The following KCNIP4 variants were observed in gnomAD, a reference collection of about 807,000 sequenced individuals.
KCNIP4 encodes potassium voltage-gated channel interacting protein 4.
A neutral mutation model predicts 34.0 loss-of-function variants in KCNIP4; 12 were observed. The observed-to-expected ratio is 0.35, with a 90% CI of 0.23 to 0.57. The LOEUF (loss-of-function observed/expected upper bound fraction) is 0.57, where lower values mean the gene tolerates loss of function less well. Ranked by LOEUF, KCNIP4 falls within the 20% of genes least tolerant of loss-of-function variation. The probability of loss-of-function intolerance (pLI) is 0.83; values close to 1 mark genes in which losing one functional copy is unlikely to be tolerated. For synonymous variants in KCNIP4, 124 were observed against 102.2 expected (o/e 1.21, Z -1.29); for missense variants, 238 against 311.7 (o/e 0.76, Z 1.78).
chr4:21,934,576 T>C (rs777144573), intron 1 of KCNIP4, among the ~76,000 whole-genome samples: 4 of 152,088 alleles, frequency 2.6e-5, no homozygotes, highest in Admixed American at 6.6e-5. Flanking sequence ...CCAGTTCATT[T>C]GCTCTTTAAC....
intron 1 of KCNIP4, among the ~76,000 whole-genome samples, chr4:21,756,825 A>G (rs1717562320): frequency 2.6e-5 from 4 of 151,954 alleles, no homozygotes; most frequent in Non-Finnish European, 5.9e-5. Flanking sequence ...GGCCAGGCGC[A>G]GTGGCTCACG....
intron 5 of KCNIP4, among the ~76,000 whole-genome samples, chr4:20,737,505 G>A (rs1462096016): frequency 1.3e-5 from 2 of 151,574 alleles, no homozygotes; most frequent in African/African-American, 2.4e-5. Flanking sequence ...TAGATGGGCC[G>A]ATCTGAGAAG....
At chr4:21,452,766 T>A (rs1728615317) in intron 1 of KCNIP4, among the ~76,000 whole-genome samples, 1 of 148,384 alleles carries the variant, frequency 6.7e-6, no homozygotes, top group Non-Finnish European at 1.5e-5. Flanking sequence ...TTGTCTGCTA[T>A]CTCTGAAAAA....
intron 1 of KCNIP4, among the ~76,000 whole-genome samples, chr4:21,291,129 CTT>C (rs1763433841): frequency 6.6e-6 from 1 of 152,254 alleles, no homozygotes; most frequent in Middle Eastern, 3.4e-3. Flanking sequence ...ATCCAGTGCC[CTT>C]TTTCACAATG....
At chr4:21,605,615 G>C (rs529422465) in intron 1 of KCNIP4, among the ~76,000 whole-genome samples, 74 of 152,100 alleles carry the variant, frequency 4.9e-4, no homozygotes, top group Non-Finnish European at 7.9e-4. Context: ...AGAGTAGCTG[G>C]TACTACAGGT....
intron 1 of KCNIP4, among the ~76,000 whole-genome samples, chr4:21,130,336 T>C (rs1750968107): frequency 6.6e-6 from 1 of 152,216 alleles, no homozygotes; most frequent in Non-Finnish European, 1.5e-5. Flanking sequence ...CCGCAATTTT[T>C]CTGCCTCTGA....
Position 21,142,328 on chromosome 4 carries a change from A to T in KCNIP4, c.62-259619T>A, listed in dbSNP as rs528844918. On this transcript the variant is annotated intron_variant, in intron 1 of 8. Transcript: ENST00000382152. ...AAATGAAAAAGAGCTTAGGCCACGT[A>T]AGATTCCAGTGAGAGGTGATGAATT... is the stretch of plus-strand genomic sequence containing the variant. Among the ~76,000 whole-genome samples, 20 of 152,246 alleles carry T rather than the reference A, an allele frequency of 1.3e-4. No homozygotes were observed. In the South Asian group the frequency reaches 3.7e-3, roughly 28 times the overall value.
At chr4:21,832,967 C>T (rs11725650) in intron 1 of KCNIP4, among the ~76,000 whole-genome samples, 39 of 147,548 alleles carry the variant, frequency 2.6e-4, no homozygotes, top group African/African-American at 9.8e-4. Flanking sequence ...ATATGTGCCA[C>T]ATTTTCTTAA....
intron 1 of KCNIP4, among the ~76,000 whole-genome samples, chr4:21,432,922 C>G (rs1026570412): frequency 6.6e-6 from 1 of 151,968 alleles, no homozygotes; most frequent in Non-Finnish European, 1.5e-5. Flanking sequence ...AGATGATTAT[C>G]AACTCCAGCC....
intron 1 of KCNIP4, among the ~76,000 whole-genome samples, chr4:20,993,780 A>T (rs1737297400): frequency 1.3e-5 from 2 of 152,232 alleles, no homozygotes; most frequent in African/African-American, 2.4e-5. Flanking sequence ...AAACTGACAC[A>T]AATTTATTAT....
At chr4:21,728,858 T>G (rs959081495) in intron 1 of KCNIP4, among the ~76,000 whole-genome samples, 8 of 152,130 alleles carry the variant, frequency 5.3e-5, no homozygotes, top group Non-Finnish European at 1.0e-4. Flanking sequence ...TCAATGAGAC[T>G]TTCCAAGACC....
chr4:21,357,552 A>T (rs532498835), intron 1 of KCNIP4, among the ~76,000 whole-genome samples: 3 of 152,354 alleles, frequency 2.0e-5, no homozygotes, highest in African/African-American at 7.2e-5. Context: ...TATACAGCCA[A>T]CAGACACATG....
At chr4:21,551,713 C>A (rs555050907) in intron 1 of KCNIP4, among the ~76,000 whole-genome samples, 14 of 152,142 alleles carry the variant, frequency 9.2e-5, no homozygotes, top group African/African-American at 3.4e-4. Flanking sequence ...AAATATCTAA[C>A]CTTGCCTAGT....
intron 1 of KCNIP4, among the ~76,000 whole-genome samples, chr4:21,091,154 A>G (rs73802463): frequency 2.0e-5 from 3 of 152,130 alleles, no homozygotes; most frequent in Non-Finnish European, 2.9e-5. Context: ...AAAAATATAT[A>G]TTTGCCCATC....
intron 1 of KCNIP4, among the ~76,000 whole-genome samples, chr4:21,000,423 G>A (rs138683118): frequency 0.04 from 6,038 of 152,050 alleles, 404 homozygotes; most frequent in African/African-American, 0.14. Context: ...GGTGGCTCAC[G>A]CCTGTAATCC....
intron 1 of KCNIP4, among the ~76,000 whole-genome samples, chr4:21,080,415 C>T (rs1160184940): frequency 6.6e-6 from 1 of 151,860 alleles, no homozygotes; most frequent in African/African-American, 2.4e-5. Context: ...AACGCCAATT[C>T]TTCTATTTCC....
chr4:21,844,922 T>C (rs1190592462), intron 1 of KCNIP4: 4 of 150,474 alleles, frequency 2.7e-5, no homozygotes, highest in Admixed American at 6.6e-5. Context: ...AAAGGTTGTA[T>C]AACTTATCAT....
intron 5 of KCNIP4, among the ~76,000 whole-genome samples, chr4:20,738,103 C>A: frequency 6.6e-6 from 1 of 150,656 alleles, no homozygotes; most frequent in African/African-American, 2.5e-5. Flanking sequence ...GTGCTTCAGC[C>A]TGGATGACAG....
intron 1 of KCNIP4, among the ~76,000 whole-genome samples, chr4:21,833,640 G>T (rs2109308989): frequency 6.6e-6 from 1 of 152,070 alleles, no homozygotes; most frequent in East Asian, 1.9e-4. Context: ...CATTGCTTTT[G>T]GTGTTTTAGA....
Sources: gnomAD v4.1 joint callset for allele counts (sites outside exome capture counted in the v4.1 genomes callset) on GRCh38, gnomAD v4.1.1 for gene constraint, MANE v1.5 for transcripts, NCBI Gene and HGNC (gene_info 2026-07-23, HGNC 2026-07-21) for gene names.